Variants in ACTR3C observed in about 807,000 individuals in gnomAD.
ACTR3C encodes actin related protein 3C.
A neutral mutation model predicts 26.3 loss-of-function variants in ACTR3C; 18 were observed. That is an observed-to-expected ratio of 0.68 (90% CI 0.47 to 1.01). The LOEUF is 1.01. Ranked by LOEUF, ACTR3C falls within the 50% of genes least tolerant of loss-of-function variation. The probability of loss-of-function intolerance (pLI) is 0.00; values close to 1 mark genes in which losing one functional copy is unlikely to be tolerated. For synonymous variants in ACTR3C, 55 were observed against 94.5 expected, an observed-to-expected ratio of 0.58 and a Z score of 2.42; for missense variants, 184 against 250.7, an observed-to-expected ratio of 0.73 and a Z score of 1.80.
the ACTR3C span, among the ~76,000 whole-genome samples, chr7:150,007,129 G>A: frequency 1.3e-5 from 2 of 151,998 alleles, no homozygotes; most frequent in Non-Finnish European, 2.9e-5. Context: ...TGAAGACTGG[G>A]AAAGATGAAG....
At chr7:149,971,380 C>T in the ACTR3C span, among the ~76,000 whole-genome samples, 73 of 152,276 alleles carry the variant, frequency 4.8e-4, 1 homozygote, top group Middle Eastern at 6.8e-3. Flanking sequence ...GGCCATGGCA[C>T]GTGGATTGAC....
At chr7:149,933,033 G>A in the ACTR3C span, among the ~76,000 whole-genome samples, 1 of 142,500 alleles carries the variant, frequency 7.0e-6, no homozygotes, top group East Asian at 2.0e-4. Context: ...AGCTGAAGCT[G>A]AGTGAGACTC....
chr7:149,997,677 A>C, the ACTR3C span, among the ~76,000 whole-genome samples: 4 of 149,986 alleles, frequency 2.7e-5, no homozygotes. Flanking sequence ...CCCTATCCTT[A>C]CATGGAGCAA....
the ACTR3C span, among the ~76,000 whole-genome samples, chr7:150,033,917 G>A: frequency 3.3e-5 from 5 of 152,034 alleles, no homozygotes; most frequent in South Asian, 8.3e-4. Flanking sequence ...CGCGTCGCGA[G>A]GGGTGCCTCC....
chr7:149,921,227 C>T, the ACTR3C span, among the ~76,000 whole-genome samples: 5 of 152,106 alleles, frequency 3.3e-5, no homozygotes, highest in Non-Finnish European at 5.9e-5. Context: ...ACTCTGTTCT[C>T]TTCAGCAGGA....
At chr7:149,937,732 G>T in the ACTR3C span, among the ~76,000 whole-genome samples, 1 of 152,200 alleles carries the variant, frequency 6.6e-6, no homozygotes, top group African/African-American at 2.4e-5. Context: ...GGAGCTCGGG[G>T]ATGGGAGGGT....
chr7:150,182,660 C>T, the ACTR3C span, among the ~76,000 whole-genome samples: 1 of 150,856 alleles, frequency 6.6e-6, no homozygotes, highest in East Asian at 1.9e-4. Context: ...TTTAACTCTG[C>T]AGGTGTTTAA....
chr7:149,979,885 G>A, the ACTR3C span, among the ~76,000 whole-genome samples: 2 of 148,754 alleles, frequency 1.3e-5, no homozygotes, highest in African/African-American at 5.2e-5. Context: ...GGAGGATCTT[G>A]GGGAGTCCTA....
the ACTR3C span, among the ~76,000 whole-genome samples, chr7:150,231,248 G>A: frequency 2.0e-5 from 3 of 151,878 alleles, no homozygotes; most frequent in South Asian, 2.1e-4. Context: ...AATGATTGTC[G>A]CCTCAAAATC....
At chr7:150,042,587 TC>T in the ACTR3C span, among the ~76,000 whole-genome samples, 3 of 149,500 alleles carry the variant, frequency 2.0e-5, no homozygotes, top group African/African-American at 5.0e-5. Context: ...GGGGGGTGCC[TC>T]CCCCCACTGC....
chr7:149,996,186 G>A, the ACTR3C span, among the ~76,000 whole-genome samples: 1 of 152,402 alleles, frequency 6.6e-6, no homozygotes, highest in Admixed American at 6.5e-5. Flanking sequence ...GGCCAGAGCA[G>A]ATGGTCTTGC....
At chr7:149,891,470 GT>G in the ACTR3C span, 8 of 464,822 alleles carry the variant, frequency 1.7e-5, no homozygotes, top group Admixed American at 3.8e-5. Flanking sequence ...AAAAGATTAA[GT>G]TACATTATTG....
Position 150,299,464 on chromosome 7 carries a change from C to CAAAAAAAAA in ACTR3C, c.-51-4126_-51-4118dup, listed in dbSNP as rs759969034. 2.1e-3 allele frequency among the ~76,000 whole-genome samples: 30 copies of CAAAAAAAAA among 14,110 alleles called. 1 individual carries two copies. Among genetic ancestry groups the CAAAAAAAAA allele is most frequent in the Admixed American group, 3.1e-3 (2 of 644 alleles). The allele number at this position is 14,110 out of a possible 152,430, so 9.3% of individuals were successfully genotyped here. ...CTTGGACAACATAGAGACCCCCTCT[C>CAAAAAAAAA]AAAAAAAAAAAAAAAAAAAAAAAAA... On this transcript the variant is annotated intron_variant, in intron 1 of 7. Transcript: ENST00000683684.
chr7:150,314,295 C>T (rs990657867), intron 1 of ACTR3C, among the ~76,000 whole-genome samples: 2 of 152,204 alleles, frequency 1.3e-5, no homozygotes, highest in Non-Finnish European at 2.9e-5. Flanking sequence ...CTTCCTTTAG[C>T]CCTGCCAAGG....
At chr7:150,321,252 T>G (rs1797480592) in intron 1 of ACTR3C, among the ~76,000 whole-genome samples, 1 of 152,220 alleles carries the variant, frequency 6.6e-6, no homozygotes, top group Non-Finnish European at 1.5e-5. Flanking sequence ...GCCTGATTTT[T>G]TTGCCCCTAT....
the ACTR3C span, among the ~76,000 whole-genome samples, chr7:150,130,564 T>A: frequency 1.3e-5 from 2 of 152,226 alleles, no homozygotes; most frequent in Non-Finnish European, 2.9e-5. Flanking sequence ...AAGATACTCA[T>A]CATTTGTCAC....
chr7:150,042,579 G>C, the ACTR3C span, among the ~76,000 whole-genome samples: 260 of 150,796 alleles, frequency 1.7e-3, 2 homozygotes, highest in South Asian at 0.022. Context: ...CGCCTCGCGG[G>C]GGGTGCCTCC....
chr7:149,979,697 T>G, the ACTR3C span, among the ~76,000 whole-genome samples: 6 of 151,680 alleles, frequency 4.0e-5, no homozygotes, highest in Non-Finnish European at 8.8e-5. Context: ...ACAGAGTGTC[T>G]TAATCAGATC....
chr7:150,057,276 CTTTTTT>C, the ACTR3C span, among the ~76,000 whole-genome samples: 2 of 113,966 alleles, frequency 1.8e-5, no homozygotes, highest in African/African-American at 7.1e-5. Context: ...GGAATAGGTC[CTTTTTT>C]TTTTTTTTTT....
Sources: allele counts gnomAD v4.1 joint callset (sites outside exome capture counted in the v4.1 genomes callset), GRCh38; gene constraint gnomAD v4.1.1; transcripts MANE v1.5; gene names NCBI Gene and HGNC (gene_info 2026-07-23, HGNC 2026-07-21).